Variants in DLG2 observed in about 807,000 individuals in gnomAD.
The protein encoded by DLG2 is discs large MAGUK scaffold protein 2.
A neutral mutation model predicts 132.5 loss-of-function variants in DLG2; 45 were observed. That is an observed-to-expected ratio of 0.34 (90% CI 0.27 to 0.44). The LOEUF is 0.44. DLG2 is among the 20% of genes least tolerant of loss of function. The pLI is 1.00. For synonymous variants in DLG2, 424 were observed against 419.6 expected, an observed-to-expected ratio of 1.01 and a Z score of -0.13; for missense variants, 1,045 against 1,196.9, an observed-to-expected ratio of 0.87 and a Z score of 1.87.
intron 3 of DLG2, among the ~76,000 whole-genome samples, chr11:85,330,834 A>AT (rs1425697849): frequency 2.0e-5 from 3 of 149,636 alleles, no homozygotes; most frequent in Admixed American, 6.6e-5. Flanking sequence ...TGGGATGTAA[A>AT]TTTTTTTATT....
chr11:84,341,836 C>A (rs1373329685), intron 7 of DLG2, among the ~76,000 whole-genome samples: 1 of 152,208 alleles, frequency 6.6e-6, no homozygotes, highest in Non-Finnish European at 1.5e-5. Context: ...CTAGTGACTG[C>A]CTTACTAACC....
At chr11:83,938,110 A>T (rs1431561349) in intron 14 of DLG2, among the ~76,000 whole-genome samples, 1 of 152,266 alleles carries the variant, frequency 6.6e-6, no homozygotes, top group Non-Finnish European at 1.5e-5. Context: ...TATAAGACAC[A>T]TTCACATGAC....
At chr11:83,883,956 G>A (rs2067025307) in intron 15 of DLG2, among the ~76,000 whole-genome samples, 1 of 152,196 alleles carries the variant, frequency 6.6e-6, no homozygotes, top group African/African-American at 2.4e-5. Flanking sequence ...TTATAGAGCT[G>A]GTGGAGCCAA....
chr11:84,646,470 C>T (rs1217609876), intron 6 of DLG2, among the ~76,000 whole-genome samples: 1 of 151,996 alleles, frequency 6.6e-6, no homozygotes, highest in African/African-American at 2.4e-5. Flanking sequence ...TTGGCATTTA[C>T]TTTATCTTTG....
At chr11:85,042,397 C>T (rs1187538420) in intron 6 of DLG2, among the ~76,000 whole-genome samples, 4 of 152,130 alleles carry the variant, frequency 2.6e-5, no homozygotes, top group African/African-American at 7.2e-5. Context: ...CTAGGCACTA[C>T]ACTAAGTGTT....
intron 8 of DLG2, among the ~76,000 whole-genome samples, chr11:84,238,042 TAAAAAAAAA>T (rs71036414): frequency 4.1e-5 from 3 of 73,110 alleles, no homozygotes; most frequent in East Asian, 3.9e-4. Flanking sequence ...AGACTCTGCC[TAAAAAAAAA>T]AAAAAAAAAA....
At chr11:85,251,149 A>C (rs1201327549) in intron 4 of DLG2, among the ~76,000 whole-genome samples, 1 of 152,222 alleles carries the variant, frequency 6.6e-6, no homozygotes, top group East Asian at 1.9e-4. Context: ...GCCTTATGAC[A>C]TGAACATGTG....
intron 6 of DLG2, among the ~76,000 whole-genome samples, chr11:84,628,622 A>G (rs2099626709): frequency 6.6e-6 from 1 of 152,152 alleles, no homozygotes; most frequent in Non-Finnish European, 1.5e-5. Flanking sequence ...CTCCACCTGG[A>G]TATACTTCAA....
intron 11 of DLG2, among the ~76,000 whole-genome samples, chr11:84,011,621 G>C (rs2154065171): frequency 6.6e-6 from 1 of 152,058 alleles, no homozygotes; most frequent in East Asian, 1.9e-4. Context: ...ACTTTCTAGG[G>C]CTAAGTCAAA....
At chr11:85,600,388 T>C (rs189075729) in intron 2 of DLG2, among the ~76,000 whole-genome samples, 241 of 152,330 alleles carry the variant, frequency 1.6e-3, no homozygotes, top group Non-Finnish European at 2.0e-3. Context: ...AAAACACTTT[T>C]TTCACTAGGC....
intron 6 of DLG2, chr11:85,021,337 C>A: frequency 7.9e-7 from 1 of 1,271,866 alleles, no homozygotes; most frequent in Admixed American, 1.7e-5. Context: ...GAAAGAAGAG[C>A]CATACATCTG....
At position 84,873,492 on chromosome 11, in the gene DLG2, C is replaced by T. The variant is rs532589967; in HGVS notation, c.357+238169G>A. 2.0e-5 allele frequency among the ~76,000 whole-genome samples: 3 copies of T among 152,254 alleles called. No individual in the cohort carries two copies. In the South Asian group the frequency reaches 6.2e-4, roughly 32 times the overall value. ...ACTGAGTTGTAATTCATTACATTAG[C>T]ACTAATAACTAATATATTTACCAAA... On this transcript the variant is annotated intron_variant, in intron 6 of 27. Transcript: ENST00000376104.
At chr11:84,875,293 G>A (rs1240690528) in intron 6 of DLG2, among the ~76,000 whole-genome samples, 1 of 152,102 alleles carries the variant, frequency 6.6e-6, no homozygotes. Flanking sequence ...CAGAATAGAA[G>A]TTTCAGTGGC....
intron 6 of DLG2, among the ~76,000 whole-genome samples, chr11:84,791,760 C>T (rs1344967814): frequency 6.6e-6 from 1 of 152,104 alleles, no homozygotes; most frequent in African/African-American, 2.4e-5. Flanking sequence ...TATAGAAATG[C>T]TACCGATTTT....
intron 16 of DLG2, among the ~76,000 whole-genome samples, chr11:83,842,625 G>C (rs186387541): frequency 1.3e-5 from 2 of 150,528 alleles, no homozygotes; most frequent in East Asian, 3.9e-4. Flanking sequence ...TCAGGATATC[G>C]AGACCACGGT....
intron 7 of DLG2, among the ~76,000 whole-genome samples, chr11:84,296,334 A>G (rs2098088233): frequency 6.6e-6 from 1 of 152,230 alleles, no homozygotes; most frequent in South Asian, 2.1e-4. Context: ...TGAGAAACAG[A>G]CAGGATTCCA....
In DLG2 at chr11:84,166,517, AAAAG is replaced by A. The variant is rs1361397380; in HGVS notation, c.574-3010_574-3007del. Among the ~76,000 whole-genome samples, 405 of 136,450 alleles carry A rather than the reference AAAAG, an allele frequency of 3.0e-3. 3 individuals carry two copies. The highest frequency in any genetic ancestry group is 8.1e-3 in the African/African-American group (291 of 35,862). 89.5% of individuals were successfully genotyped at this position (136,450 alleles called of 152,430 possible). ...CTCTGCTTCAAAAAAAAAAAAAAAA[AAAAG>A]AAAAGAAAGAAAGAAAGAAAGAAAA... is the stretch of plus-strand genomic sequence containing the variant. On this transcript the variant is annotated intron_variant, in intron 8 of 27. Coordinates refer to ENST00000376104, the MANE Select transcript of DLG2 (RefSeq NM_001142699.3).
At chr11:85,418,097 A>G (rs1473417201) in intron 3 of DLG2, among the ~76,000 whole-genome samples, 2 of 152,130 alleles carry the variant, frequency 1.3e-5, no homozygotes, top group Non-Finnish European at 2.9e-5. Context: ...TTCCCCCTAA[A>G]TACTGCTTTA....
chr11:85,185,381 T>C (rs1335877413), intron 4 of DLG2, among the ~76,000 whole-genome samples: 1 of 152,060 alleles, frequency 6.6e-6, no homozygotes, highest in Non-Finnish European at 1.5e-5. Context: ...AAGAATTATA[T>C]AATAAATTTG....
Sources: gnomAD v4.1 joint callset for allele counts (sites outside exome capture counted in the v4.1 genomes callset) on GRCh38, gnomAD v4.1.1 for gene constraint, MANE v1.5 for transcripts, NCBI Gene and HGNC (gene_info 2026-07-23, HGNC 2026-07-21) for gene names.